Variants in PCBP3 observed in about 807,000 individuals in gnomAD.
The protein encoded by PCBP3 is poly(rC) binding protein 3.
Under a neutral mutation model 52.7 loss-of-function variants are expected in PCBP3, and 25 were observed. The ratio of observed to expected loss-of-function variants is 0.47; its 90% confidence interval spans 0.35 to 0.66. The LOEUF (loss-of-function observed/expected upper bound fraction) is 0.66. Among genes scored for constraint, PCBP3 ranks in the 30% least tolerant of loss-of-function variants. PCBP3 has a pLI of 0.01. For synonymous variants in PCBP3, 162 were observed against 183.0 expected (o/e 0.89, Z 0.93); for missense variants, 391 against 490.3 (o/e 0.80, Z 1.91).
rs147859037 is a variant in PCBP3, at chr21:45,690,517, C to T, written c.-200+21565C>T. Among the ~76,000 whole-genome samples, 78 of 152,166 alleles carry T rather than the reference C, an allele frequency of 5.1e-4. 5 individuals carry two copies. In the East Asian group the frequency reaches 0.015, roughly 29 times the overall value. On this transcript the variant is annotated intron_variant, in intron 2 of 17. Transcript: ENST00000681687. Reference sequence around the variant, plus strand: ...TTAAAATTCTGTTCTTTGCAAGACACCATTTACAAAATGAAAAGGCAAATA... The same window carrying T: ...TTAAAATTCTGTTCTTTGCAAGACATCATTTACAAAATGAAAAGGCAAATA...
intron 15 of PCBP3, among the ~76,000 whole-genome samples, chr21:45,931,153 G>C (rs2076127417): frequency 6.6e-6 from 1 of 152,240 alleles, no homozygotes; most frequent in Non-Finnish European, 1.5e-5. Flanking sequence ...CCTTAAGGAG[G>C]AAGATCAGTC....
At chr21:45,907,284 GTGTT>G (rs1474817911) in intron 9 of PCBP3, among the ~76,000 whole-genome samples, 10 of 152,202 alleles carry the variant, frequency 6.6e-5, no homozygotes, top group African/African-American at 2.4e-4. Flanking sequence ...CTTTTTCAGT[GTGTT>G]CTGCCAGTGG....
intron 4 of PCBP3, among the ~76,000 whole-genome samples, chr21:45,819,566 G>C (rs2093066504): frequency 6.6e-6 from 1 of 152,244 alleles, no homozygotes; most frequent in Non-Finnish European, 1.5e-5. Context: ...AGTCCATCTG[G>C]TTTCTAGAGT....
chr21:45,667,521 G>C (rs979672158), intron 1 of PCBP3, among the ~76,000 whole-genome samples: 1 of 151,758 alleles, frequency 6.6e-6, no homozygotes, highest in African/African-American at 2.4e-5. Flanking sequence ...ATTTTTATTT[G>C]GTTTATTTTT....
intron 3 of PCBP3, among the ~76,000 whole-genome samples, chr21:45,745,066 G>T (rs751681346): frequency 2.6e-5 from 4 of 152,194 alleles, no homozygotes; most frequent in Non-Finnish European, 5.9e-5. Context: ...TACAGTGTGA[G>T]CAGTGGAGAA....
In PCBP3 at chr21:45,901,059, C is replaced by A; in HGVS notation, c.285C>A (p.Gly95=). 6.2e-7 allele frequency: 1 copy of A among 1,614,000 alleles called. No homozygotes were observed. The highest frequency in any genetic ancestry group is 1.3e-5 in the African/African-American group (1 of 75,030). Residue 95 remains glycine (G), a synonymous_variant, in exon 9 of 18, where the codon GGC becomes GGA. Coordinates refer to ENST00000681687, the MANE Select transcript of PCBP3 (RefSeq NM_001384156.1). ...NCPERIVTIT[G]PTDAIFKAFA... ...CAGAGAGGATTGTGACCATCACAGG[C>A]CCCACAGACGCCATCTTCAAGGCCT...
chr21:45,653,368 G>C (rs1025186789), intron 1 of PCBP3, among the ~76,000 whole-genome samples: 10 of 152,032 alleles, frequency 6.6e-5, no homozygotes, highest in Admixed American at 3.3e-4. Context: ...TTTTCTAGCA[G>C]TTCTGCCAGT....
chr21:45,864,231 G>A (rs896604219), intron 5 of PCBP3, among the ~76,000 whole-genome samples: 5 of 152,038 alleles, frequency 3.3e-5, no homozygotes, highest in Non-Finnish European at 2.9e-5. Flanking sequence ...GCTGGCCTCT[G>A]AACTGAACAG....
chr21:45,747,090 G>GAT (rs2086963518), intron 3 of PCBP3, among the ~76,000 whole-genome samples: 1 of 152,214 alleles, frequency 6.6e-6, no homozygotes, highest in South Asian at 2.1e-4. Context: ...AGGTTTAGGG[G>GAT]ACTCAGTTCC....
intron 4 of PCBP3, among the ~76,000 whole-genome samples, chr21:45,847,932 C>G (rs1307059752): frequency 6.6e-6 from 1 of 152,172 alleles, no homozygotes; most frequent in Admixed American, 6.5e-5. Context: ...GAACTCCAGT[C>G]TTTGTTTCTT....
chr21:45,810,384 TGTACAGGGA>T (rs896208842), intron 4 of PCBP3, among the ~76,000 whole-genome samples: 3 of 151,456 alleles, frequency 2.0e-5, no homozygotes, highest in Admixed American at 1.3e-4. Flanking sequence ...GGAGTACAGG[TGTACAGGGA>T]GTACAGGGAG....
Position 45,704,619 on chromosome 21 carries a change from C to T in PCBP3, c.-199-30773C>T, listed in dbSNP as rs996916068. ...AAACATTGTCTAAGTGAAGGGCAATCGTATTTGAAGTAATTTGAAGATTGA... is the reference window on the plus strand; with the variant it reads ...AAACATTGTCTAAGTGAAGGGCAATTGTATTTGAAGTAATTTGAAGATTGA... On this transcript the variant is annotated intron_variant, in intron 2 of 17. Transcript: ENST00000681687. This position sits in a 1 kb window ranked among gnomAD's most constrained non-coding sequence, Gnocchi z 4.1. 6.6e-6 allele frequency among the ~76,000 whole-genome samples: 1 copy of T among 151,982 alleles called. No individual in the cohort carries two copies. The highest frequency in any genetic ancestry group is 1.5e-5 in the Non-Finnish European group (1 of 67,992).
Position 45,757,158 on chromosome 21 carries a change from C to T in PCBP3, c.-126+1706C>T, listed in dbSNP as rs866206137. ...CGACATTCCCACCCACATGTGTGAG[C>T]GTTCCGGTTTCCACACATCCTTGTC... On this transcript the variant is annotated intron_variant, in intron 4 of 17. Transcript: ENST00000681687. 1.8e-4 allele frequency among the ~76,000 whole-genome samples: 28 copies of T among 152,178 alleles called. 1 individual carries two copies. The highest frequency in any genetic ancestry group is 4.6e-4 in the Admixed American group (7 of 15,284).
At chr21:45,685,712 A>T (rs1285545884) in intron 2 of PCBP3, among the ~76,000 whole-genome samples, 1 of 152,214 alleles carries the variant, frequency 6.6e-6, no homozygotes, top group Admixed American at 6.5e-5. Context: ...ATAAAAGCTC[A>T]GGCAGGCTTA....
At chr21:45,799,143 T>A (rs984490697) in intron 4 of PCBP3, among the ~76,000 whole-genome samples, 6 of 152,114 alleles carry the variant, frequency 3.9e-5, no homozygotes, top group Non-Finnish European at 4.4e-5. Context: ...GTAGAGAGAG[T>A]GAAAGTGTGC....
chr21:45,887,491 TG>T (rs1416982824), intron 5 of PCBP3, among the ~76,000 whole-genome samples: 1 of 152,128 alleles, frequency 6.6e-6, no homozygotes, highest in Non-Finnish European at 1.5e-5. Flanking sequence ...CTCATTCAGT[TG>T]GAGGGACAAG....
At position 45,787,153 on chromosome 21, in the gene PCBP3, G is replaced by A. The variant is rs544239448; in HGVS notation, c.-126+31701G>A. ...TCATAAAATGCTTGAAAATAGTTTC[G>A]CCTCCTTTTTAAGATTTTGCATGTG... On this transcript the variant is annotated intron_variant, in intron 4 of 17. Coordinates refer to ENST00000681687, the MANE Select transcript of PCBP3 (RefSeq NM_001384156.1). Among the ~76,000 whole-genome samples the A allele has an allele frequency of 7.9e-5, 12 of 152,186 alleles. No individual in the cohort carries two copies. The South Asian group carries it at 8.3e-4, about 11-fold the overall frequency.
chr21:45,892,470 TGGGG>T (rs547143010), intron 5 of PCBP3, among the ~76,000 whole-genome samples: 1 of 79,716 alleles, frequency 1.3e-5, no homozygotes, highest in African/African-American at 8.4e-5. Context: ...TGACGGGGCG[TGGGG>T]GGGGGGGCGG....
chr21:45,681,104 C>T (rs1327713419), intron 2 of PCBP3, among the ~76,000 whole-genome samples: 2 of 152,164 alleles, frequency 1.3e-5, no homozygotes, highest in Non-Finnish European at 2.9e-5. Context: ...TTTTATAAGA[C>T]GTTATTTATT....
Sources: gnomAD v4.1 joint callset for allele counts (sites outside exome capture counted in the v4.1 genomes callset) on GRCh38, gnomAD v4.1.1 for gene constraint, Gnocchi (gnomAD v3.1) non-coding constraint, MANE v1.5 for transcripts, NCBI Gene and HGNC (gene_info 2026-07-23, HGNC 2026-07-21) for gene names.